Variants in COMMD9 observed in about 807,000 individuals in gnomAD.
COMMD9 encodes the protein COMM domain containing 9, also known as COMM domain-containing protein 9.
COMMD9 carries 22 observed loss-of-function variants against 23.4 expected under a neutral mutation model. That is an observed-to-expected ratio of 0.94 (90% CI 0.67 to 1.34). The LOEUF (loss-of-function observed/expected upper bound fraction) is 1.34, where lower values mean the gene tolerates loss of function less well. Among genes scored for constraint, COMMD9 ranks in the 40% most tolerant of loss-of-function variants. COMMD9 has a pLI of 0.00. For synonymous variants in COMMD9, 99 were observed against 97.4 expected (o/e 1.02, Z -0.10); for missense variants, 231 against 240.2 (o/e 0.96, Z 0.25).
chr11:36,276,929 A>C (rs191577004), intron 4 of COMMD9, 160 bp downstream of exon 4: 57 of 453,178 alleles, frequency 1.3e-4, no homozygotes, highest in Middle Eastern at 5.4e-4. Context: ...GAAAAAAGTT[A>C]AAAAGTAGAA....
At position 36,277,086 on chromosome 11, in the gene COMMD9, C is replaced by T. The variant is rs760242950; in HGVS notation, c.352+3G>A. 15 of 1,604,946 alleles carry T rather than the reference C, an allele frequency of 9.3e-6. No individual in the cohort carries two copies. The African/African-American group carries it at 2.0e-4, about 22-fold the overall frequency. ...AGGGAGGGGCAGATTTATTGGTACT[C>T]ACTCTGATTTGCCTGGGCTTCGGTT... On this transcript the variant is annotated splice_donor_region_variant and intron_variant, in intron 4 of 5. Transcript: ENST00000263401.
At chr11:36,277,284 T>C (rs1855989800) in intron 3 of COMMD9, among the ~76,000 whole-genome samples, 161 bp from the exon 4 acceptor site, 1 of 152,226 alleles carries the variant, frequency 6.6e-6, no homozygotes, top group African/African-American at 2.4e-5. Flanking sequence ...AGTCTTTTGT[T>C]TATTTGTTTT....
In COMMD9 at chr11:36,273,722, G is replaced by T. The variant is rs1007259780; in HGVS notation, c.*910C>A. On this transcript the variant is annotated 3_prime_UTR_variant, in exon 6 of 6. Coordinates refer to ENST00000263401, the MANE Select transcript of COMMD9 (RefSeq NM_014186.4). ...CTGACCTCATGATCTGCCTGCCTCGGCCTCCCAAAGTGCTGGGATTACAGG... is the reference window on the plus strand; with the variant it reads ...CTGACCTCATGATCTGCCTGCCTCGTCCTCCCAAAGTGCTGGGATTACAGG... 6.6e-6 allele frequency: 1 copy of T among 152,532 alleles called. No individual in the cohort carries two copies. Among genetic ancestry groups the T allele is most frequent in the Admixed American group, 6.5e-5 (1 of 15,314 alleles). The allele number at this position is 152,532 out of a possible 1,614,324, so 9.4% of individuals were successfully genotyped here.
chr11:36,279,574 T>C (rs1366868801), intron 2 of COMMD9, among the ~76,000 whole-genome samples: 1 of 152,242 alleles, frequency 6.6e-6, no homozygotes, highest in Non-Finnish European at 1.5e-5. Context: ...AGAGGTGTTC[T>C]ACTTGGTTTC....
chr11:36,277,818 A>AT (rs78963479), intron 3 of COMMD9, among the ~76,000 whole-genome samples: 16,899 of 152,156 alleles, frequency 0.11, 1,184 homozygotes, highest in East Asian at 0.2. Context: ...ACCATTTGCC[A>AT]TTGTGGAACT....
At chr11:36,286,423 AAAG>A (rs1373252303) in intron 1 of COMMD9, among the ~76,000 whole-genome samples, 2 of 45,146 alleles carry the variant, frequency 4.4e-5, no homozygotes, top group Admixed American at 3.0e-4. Context: ...AGAAAGAAAG[AAAG>A]AAAGAAAGAA....
At chr11:36,274,802 A>G (rs1590395014) in intron 5 of COMMD9, 30 bp from the exon 6 acceptor site, 2 of 1,613,192 alleles carry the variant, frequency 1.2e-6, no homozygotes, top group African/African-American at 2.7e-5. Flanking sequence ...CAGAAAGTCA[A>G]AGCTGCCTCT....
At chr11:36,289,233 G>T in intron 1 of COMMD9, 129 bp downstream of exon 1, 2 of 759,196 alleles carry the variant, frequency 2.6e-6, no homozygotes, top group South Asian at 2.5e-5. Context: ...CGATTTGCCT[G>T]GGATCACACA....
At chr11:36,275,230 C>T (rs1855950374) in intron 5 of COMMD9, among the ~76,000 whole-genome samples, 1 of 152,194 alleles carries the variant, frequency 6.6e-6, no homozygotes, top group South Asian at 2.1e-4. Context: ...GCTAGAGGCA[C>T]CCTTCTTCAT....
chr11:36,288,732 G>A (rs1856215368), intron 1 of COMMD9, among the ~76,000 whole-genome samples: 1 of 152,046 alleles, frequency 6.6e-6, no homozygotes, highest in Non-Finnish European at 1.5e-5. Flanking sequence ...CTCGGGGGGC[G>A]GAGGTTGCAG....
intron 5 of COMMD9, among the ~76,000 whole-genome samples, chr11:36,275,665 A>G (rs1590395931): frequency 6.6e-6 from 1 of 152,100 alleles, no homozygotes; most frequent in South Asian, 2.1e-4. Flanking sequence ...GATGGTCTTG[A>G]TCTCTTGACC....
chr11:36,285,876 G>A (rs947345135), intron 1 of COMMD9, among the ~76,000 whole-genome samples: 3 of 152,070 alleles, frequency 2.0e-5, no homozygotes, highest in African/African-American at 7.2e-5. Context: ...AGGAATAGAA[G>A]AGAACTTCCT....
chr11:36,286,839 C>T (rs531400741), intron 1 of COMMD9, among the ~76,000 whole-genome samples: 3 of 152,166 alleles, frequency 2.0e-5, no homozygotes, highest in South Asian at 4.2e-4. Context: ...TCCATTTATA[C>T]GGCATTCTTG....
chr11:36,285,852 G>C (rs1202957988), intron 1 of COMMD9, among the ~76,000 whole-genome samples: 1 of 152,092 alleles, frequency 6.6e-6, no homozygotes, highest in Admixed American at 6.5e-5. Flanking sequence ...ATTGATAAAA[G>C]CCCTGAGAAA....
intron 1 of COMMD9, among the ~76,000 whole-genome samples, chr11:36,286,413 AGAAAG>A (rs1435809152): frequency 2.6e-3 from 103 of 39,636 alleles, no homozygotes; most frequent in African/African-American, 5.6e-3. Flanking sequence ...AAAAAAAAAA[AGAAAG>A]AAAGAAAGAA....
rs370382954 is a variant in COMMD9, at chr11:36,272,577, C to T, written c.*2055G>A. 1 of 152,374 alleles carries T rather than the reference C, an allele frequency of 6.6e-6. No homozygotes were observed. Among genetic ancestry groups the T allele is most frequent in the South Asian group, 2.1e-4 (1 of 4,832 alleles). The allele number at this position is 152,374 out of a possible 1,614,324, so 9.4% of individuals were successfully genotyped here. On this transcript the variant is annotated 3_prime_UTR_variant, in exon 6 of 6. Transcript: ENST00000263401. ...CAACTGGAGGGTATGACCAGGGGCT[C>T]TCAACTTGGAAGTAGCGGGCTGGCT...
In COMMD9 at chr11:36,278,623, G is replaced by C. The variant is rs180895752; in HGVS notation, c.178-7C>G. ...GGTGCAGAGCCTGGAGCAGCTGCAA[G>C]ATAAACGGAACCACCTGTAGCTGTA... On this transcript the variant is annotated splice_polypyrimidine_tract_variant and splice_region_variant and intron_variant, in intron 2 of 5. Coordinates refer to ENST00000263401, the MANE Select transcript of COMMD9 (RefSeq NM_014186.4). The C allele has an allele frequency of 4.5e-4, 733 of 1,612,860 alleles. 7 individuals are homozygous for C. In the African/African-American group the frequency reaches 8.6e-3, roughly 19 times the overall value.
intron 3 of COMMD9, among the ~76,000 whole-genome samples, chr11:36,277,450 C>A (rs1186430427): frequency 6.6e-6 from 1 of 152,194 alleles, no homozygotes; most frequent in Non-Finnish European, 1.5e-5. Flanking sequence ...CTTATCTTCT[C>A]TTTATTGAGC....
At chr11:36,276,851 T>C (rs1855980605) in intron 4 of COMMD9, 1 of 367,018 alleles carries the variant, frequency 2.7e-6, no homozygotes, top group Admixed American at 4.5e-5. Context: ...TTATTTTAAG[T>C]ACTTCACTTT....
Sources: gnomAD v4.1 joint callset for allele counts (sites outside exome capture counted in the v4.1 genomes callset) on GRCh38, gnomAD v4.1.1 for gene constraint, MANE v1.5 for transcripts, NCBI Gene and HGNC (gene_info 2026-07-23, HGNC 2026-07-21) for gene names.